PIPOX: variants seen among roughly 807,000 people sequenced by gnomAD.
PIPOX encodes peroxisomal sarcosine oxidase.
PIPOX carries 45 observed loss-of-function variants against 47.9 expected under a neutral mutation model. The ratio of observed to expected loss-of-function variants is 0.94; its 90% CI spans 0.74 to 1.20. The LOEUF (loss-of-function observed/expected upper bound fraction) is 1.20, where lower values mean the gene tolerates loss of function less well. Among genes scored for constraint, PIPOX ranks in the 50% most tolerant of loss-of-function variants. The probability of loss-of-function intolerance (pLI) is 0.00; values close to 1 mark genes in which losing one functional copy is unlikely to be tolerated. For synonymous variants in PIPOX, 165 were observed against 191.3 expected, an observed-to-expected ratio of 0.86 and a Z score of 1.13; for missense variants, 458 against 498.4, an observed-to-expected ratio of 0.92 and a Z score of 0.77.
chr17:29,049,398 A>T (rs1018425080), intron 2 of PIPOX, among the ~76,000 whole-genome samples: 1 of 152,196 alleles, frequency 6.6e-6, no homozygotes, highest in African/African-American at 2.4e-5. Context: ...TAAGCAGAAA[A>T]AAAGAAGACA....
rs757784387 is a variant in PIPOX, at chr17:29,055,124, C to T, written c.869C>T (p.Thr290Ile). Residue 290 changes from threonine (T) to isoleucine (I), a missense_variant, in exon 6 of 8, where the codon ACA becomes ATA. Physicochemically the swap from Thr to Ile is moderately conservative, Grantham distance 89 (BLOSUM62 -1). Coordinates refer to ENST00000323372, the MANE Select transcript of PIPOX (RefSeq NM_016518.3). Reference protein sequence around the residue: ...PEERDCPTARTDIGDVQILSS... With the variant: ...PEERDCPTARIDIGDVQILSS... Reference sequence around the variant, plus strand: ...GAGCGGGACTGCCCCACAGCACGCACAGACATCGGAGACGTCCAGATCCTG... The same window carrying T: ...GAGCGGGACTGCCCCACAGCACGCATAGACATCGGAGACGTCCAGATCCTG... The T allele has an allele frequency of 1.2e-6, 2 of 1,614,176 alleles. No individual in the cohort carries two copies. Among genetic ancestry groups the T allele is most frequent in the South Asian group, 2.2e-5 (2 of 91,070 alleles).
Position 29,044,916 on chromosome 17 carries a change from G to A in PIPOX, c.172G>A (p.Ala58Thr). ...TGGACAAAGCCGGATAATCCGAAAG[G>A]CGTACCTGGAAGACTTTTACACCCG... is the stretch of plus-strand genomic sequence containing the variant. ...SHGQSRIIRK[A>T]YLEDFYTRMM... The change falls in exon 2 of 8, where the codon GCG (alanine) becomes ACG (threonine). Residue 58 changes from alanine to threonine, a missense_variant. Coordinates refer to ENST00000323372, the MANE Select transcript of PIPOX (RefSeq NM_016518.3). 6.2e-7 allele frequency: 1 copy of A among 1,614,180 alleles called. No individual in the cohort carries two copies. Among genetic ancestry groups the A allele is most frequent in the Non-Finnish European group, 8.5e-7 (1 of 1,180,022 alleles).
Position 29,052,978 on chromosome 17 carries a change from G to A in PIPOX, c.322G>A (p.Ala108Thr), listed in dbSNP as rs757305086. The change falls in exon 3 of 8, where the codon GCC becomes ACC. Residue 108 changes from alanine to threonine, a missense_variant. By Grantham distance (58) the Ala-to-Thr change is moderately conservative. Coordinates refer to ENST00000323372, the MANE Select transcript of PIPOX (RefSeq NM_016518.3). ...KENQELKTIQ[A>T]NLSRQRVEHQ... ...GAATCAAGAATTAAAGACAATCCAG[G>A]CCAATCTGTCGAGGCAGAGGGTAGA... is the stretch of plus-strand genomic sequence containing the variant. 3.7e-6 allele frequency: 6 copies of A among 1,614,134 alleles called. No homozygotes were observed. The African/African-American group carries it at 6.7e-5, about 18-fold the overall frequency.
intron 2 of PIPOX, among the ~76,000 whole-genome samples, chr17:29,047,038 G>A (rs965504548): frequency 2.0e-5 from 3 of 152,188 alleles, no homozygotes; most frequent in Non-Finnish European, 4.4e-5. Context: ...TGTAATCCCA[G>A]CACTTTGGGA....
At chr17:29,052,026 C>G (rs141288320) in intron 2 of PIPOX, 182 of 471,088 alleles carry the variant, frequency 3.9e-4, no homozygotes, top group Non-Finnish European at 1.7e-4. Context: ...GTGACCTAAT[C>G]AAGGTCATGG....
In PIPOX at chr17:29,053,336, C is replaced by T. The variant is rs370469110; in HGVS notation, c.478-77C>T. ...CTAGATTCTGCACTCTTTTCTGCCC[C>T]AGGCAAAAGGCTTTCTGTCCACCAG... On this transcript the variant is annotated intron_variant, in intron 3 of 7. Coordinates refer to ENST00000323372, the MANE Select transcript of PIPOX (RefSeq NM_016518.3). The T allele has an allele frequency of 1.2e-5, 17 of 1,463,586 alleles. No individual in the cohort carries two copies. In the East Asian group the frequency reaches 3.9e-4, roughly 33 times the overall value. The allele number at this position is 1,463,586 out of a possible 1,614,324, so 90.7% of individuals were successfully genotyped here.
At chr17:29,048,652 C>T (rs770146809) in intron 2 of PIPOX, among the ~76,000 whole-genome samples, 4 of 152,216 alleles carry the variant, frequency 2.6e-5, no homozygotes, top group Non-Finnish European at 5.9e-5. Flanking sequence ...CTGACAGTAT[C>T]AGACAAGATC....
At chr17:29,047,581 A>G (rs1435074225) in intron 2 of PIPOX, among the ~76,000 whole-genome samples, 1 of 152,368 alleles carries the variant, frequency 6.6e-6, no homozygotes, top group African/African-American at 2.4e-5. Context: ...TGAAAGCAAG[A>G]TGTAAATAAA....
At chr17:29,054,399 T>A in intron 4 of PIPOX, 146 bp from the exon 5 acceptor site, 1 of 763,318 alleles carries the variant, frequency 1.3e-6, no homozygotes, top group African/African-American at 1.7e-5. Flanking sequence ...GTAAACAACA[T>A]GAGAAGTGGG....
chr17:29,056,215 G>C lies in PIPOX; in HGVS notation c.1083G>C (p.Leu361=). Residue 361 remains leucine, a synonymous_variant, in exon 8 of 8, where the codon CTG becomes CTC. Transcript: ENST00000323372. ...TGGCCCCTGTGGTGGGGAAGATCCT[G>C]TATGAATTAAGCATGAAATTAACAC... ...FKLAPVVGKI[L]YELSMKLTPS... is the part of the protein sequence containing the mutation. 1.2e-6 allele frequency: 2 copies of C among 1,614,138 alleles called. No homozygotes were observed. The highest frequency in any genetic ancestry group is 1.3e-5 in the African/African-American group (1 of 75,028).
In PIPOX at chr17:29,053,600, G is replaced by C. The variant is rs369115119; in HGVS notation, c.660+5G>C. On this transcript the variant is annotated splice_donor_5th_base_variant and intron_variant, in intron 4 of 7. Transcript: ENST00000323372. ...GGCATTGAGATGCCTCTCCAGGTAA[G>C]AGGAGCTGGAAGCCCGAGAGTTGGT... The C allele has an allele frequency of 1.3e-6, 2 of 1,573,102 alleles. No individual in the cohort carries two copies. The highest frequency in any genetic ancestry group is 1.7e-6 in the Non-Finnish European group (2 of 1,154,208).
intron 2 of PIPOX, among the ~76,000 whole-genome samples, chr17:29,048,902 A>G (rs2065795181): frequency 6.6e-6 from 1 of 152,184 alleles, no homozygotes; most frequent in East Asian, 1.9e-4. Context: ...GGTGACTCAG[A>G]GCTGGCTTGC....
intron 1 of PIPOX, 29 bp from the exon 2 acceptor site, chr17:29,044,830 C>T (rs781060236): frequency 6.3e-6 from 10 of 1,594,404 alleles, no homozygotes; most frequent in Non-Finnish European, 7.7e-6. Flanking sequence ...GTAATGGCTT[C>T]CATCATCTCT....
intron 2 of PIPOX, among the ~76,000 whole-genome samples, chr17:29,047,807 G>A (rs2065791314): frequency 6.6e-6 from 1 of 152,142 alleles, no homozygotes; most frequent in African/African-American, 2.4e-5. Context: ...GGGTGTGGAA[G>A]ATACCTCAAA....
intron 1 of PIPOX, among the ~76,000 whole-genome samples, chr17:29,044,565 C>A (rs961438338): frequency 7.9e-5 from 12 of 152,144 alleles, no homozygotes; most frequent in South Asian, 2.1e-4. Context: ...CCTCAAACTC[C>A]TGGGCTCAAA....
intron 1 of PIPOX, 64 bp from the exon 2 acceptor site, chr17:29,044,795 C>T (rs372571000): frequency 6.6e-7 from 1 of 1,518,854 alleles, no homozygotes; most frequent in Non-Finnish European, 8.9e-7. Context: ...TGATATGGCT[C>T]TTAACAGGGG....
intron 4 of PIPOX, 43 bp from the exon 5 acceptor site, chr17:29,054,502 C>A: frequency 1.2e-6 from 2 of 1,609,856 alleles, no homozygotes; most frequent in Non-Finnish European, 1.7e-6. Flanking sequence ...CTGTAGAGTT[C>A]CATGGCTTTT....
At chr17:29,054,502 C>T (rs940230338) in intron 4 of PIPOX, 43 bp from the exon 5 acceptor site, 1 of 1,609,858 alleles carries the variant, frequency 6.2e-7, no homozygotes, top group Non-Finnish European at 8.5e-7. Context: ...CTGTAGAGTT[C>T]CATGGCTTTT....
At chr17:29,050,918 G>C (rs753193690) in intron 2 of PIPOX, among the ~76,000 whole-genome samples, 1 of 152,018 alleles carries the variant, frequency 6.6e-6, no homozygotes, top group African/African-American at 2.4e-5. Flanking sequence ...GAGGTGGGCA[G>C]ATCATGAGGT....
Sources: gnomAD v4.1 joint callset for allele counts (sites outside exome capture counted in the v4.1 genomes callset) on GRCh38, gnomAD v4.1.1 for gene constraint, MANE v1.5 for transcripts, NCBI Gene and HGNC (gene_info 2026-07-23, HGNC 2026-07-21) for gene names.